Variants in CNTNAP2 observed in about 807,000 individuals in gnomAD.
CNTNAP2 encodes the protein contactin associated protein 2, also known as contactin-associated protein-like 2.
CNTNAP2 carries 98 observed loss-of-function variants against 155.2 expected under a neutral mutation model. That is an observed-to-expected ratio of 0.63 (90% CI 0.54 to 0.75). CNTNAP2 has a LOEUF of 0.75. CNTNAP2 is among the 30% of genes least tolerant of loss of function. CNTNAP2 has a pLI of 0.00. For synonymous variants in CNTNAP2, 651 were observed against 631.2 expected (o/e 1.03, Z -0.47); for missense variants, 1,727 against 1,688.1 (o/e 1.02, Z -0.40).
At chr7:147,353,143 G>GTATATA (rs1298122144) in intron 9 of CNTNAP2, among the ~76,000 whole-genome samples, 1 of 151,064 alleles carries the variant, frequency 6.6e-6, no homozygotes, top group African/African-American at 2.4e-5. Flanking sequence ...ATACGTATAT[G>GTATATA]TACATATATA....
chr7:146,255,118 G>A (rs968074642), intron 1 of CNTNAP2, among the ~76,000 whole-genome samples: 2 of 152,130 alleles, frequency 1.3e-5, no homozygotes, highest in Non-Finnish European at 2.9e-5. Context: ...GAATAATCAT[G>A]TGAATACTAA....
At position 147,977,812 on chromosome 7, in the gene CNTNAP2, A is replaced by G; in HGVS notation, c.2256-50A>G. 6.2e-6 allele frequency: 10 copies of G among 1,612,414 alleles called. No homozygotes were observed. In the East Asian group the frequency reaches 6.7e-5, roughly 11 times the overall value. On this transcript the variant is annotated intron_variant, in intron 14 of 23. Transcript: ENST00000361727. ...CGTAAGCAACTAGCAGAAAATTCAT[A>G]TGTCTAATGCAGCCTCCTCATTCTT...
In CNTNAP2 at chr7:147,923,905, A is replaced by T. The variant is rs547577319; in HGVS notation, c.2255+20184A>T. Among the ~76,000 whole-genome samples, 4 of 152,290 alleles carry T rather than the reference A, an allele frequency of 2.6e-5. 1 individual carries two copies. The highest frequency in any genetic ancestry group is 4.1e-4 in the South Asian group (2 of 4,830). Reference sequence around the variant, plus strand: ...ACTTCTAGCCTCCAGAACTGTGAGAAAATAAATCTCTGTTGTTGGAAGCCA... The same window carrying T: ...ACTTCTAGCCTCCAGAACTGTGAGATAATAAATCTCTGTTGTTGGAAGCCA... On this transcript the variant is annotated intron_variant, in intron 14 of 23. Coordinates refer to ENST00000361727, the MANE Select transcript of CNTNAP2 (RefSeq NM_014141.6).
intron 1 of CNTNAP2, among the ~76,000 whole-genome samples, chr7:146,210,276 G>T (rs1464771094): frequency 6.6e-6 from 1 of 152,110 alleles, no homozygotes; most frequent in Non-Finnish European, 1.5e-5. Flanking sequence ...GAAGATGATT[G>T]TCTTCCTATT....
At chr7:146,335,896 C>G (rs546891496) in intron 1 of CNTNAP2, among the ~76,000 whole-genome samples, 76 of 152,136 alleles carry the variant, frequency 5.0e-4, no homozygotes, top group Non-Finnish European at 8.7e-4. Flanking sequence ...AAATATAAAA[C>G]ATGATATAAA....
At chr7:146,280,415 A>G (rs995907145) in intron 1 of CNTNAP2, among the ~76,000 whole-genome samples, 5 of 151,858 alleles carry the variant, frequency 3.3e-5, no homozygotes, top group South Asian at 4.1e-4. Context: ...TTCACGTCTC[A>G]AGGAATTAAT....
intron 14 of CNTNAP2, among the ~76,000 whole-genome samples, chr7:147,928,753 T>C (rs1012145369): frequency 4.6e-5 from 7 of 152,154 alleles, no homozygotes; most frequent in Admixed American, 1.3e-4. Flanking sequence ...AAACCACATC[T>C]TATAATGTGT....
chr7:146,677,312 T>C (rs903960346), intron 1 of CNTNAP2, among the ~76,000 whole-genome samples: 2 of 152,144 alleles, frequency 1.3e-5, no homozygotes, highest in African/African-American at 4.8e-5. Flanking sequence ...AGGAATATCT[T>C]GTTTGTGATA....
intron 21 of CNTNAP2, among the ~76,000 whole-genome samples, chr7:148,326,729 G>A (rs547009973): frequency 6.6e-6 from 1 of 152,202 alleles, no homozygotes; most frequent in South Asian, 2.1e-4. Flanking sequence ...GCCGGGCATG[G>A]TGGTGGGCAC....
chr7:146,209,185 A>G (rs911091948), intron 1 of CNTNAP2, among the ~76,000 whole-genome samples: 1 of 152,064 alleles, frequency 6.6e-6, no homozygotes, highest in Non-Finnish European at 1.5e-5. Flanking sequence ...CCAAGTAGAA[A>G]AGACTTCAGC....
At chr7:147,527,049 G>GTTTTTTTTTTT (rs1799337531) in intron 11 of CNTNAP2, among the ~76,000 whole-genome samples, 1 of 83,588 alleles carries the variant, frequency 1.2e-5, no homozygotes, top group African/African-American at 6.8e-5. Flanking sequence ...TTTTGATGGA[G>GTTTTTTTTTTT]TCTTTCTCTG....
chr7:146,498,550 T>C (rs1165633610), intron 1 of CNTNAP2, among the ~76,000 whole-genome samples: 2 of 152,310 alleles, frequency 1.3e-5, no homozygotes, highest in Non-Finnish European at 2.9e-5. Context: ...AATTGGACTT[T>C]AGAAATTTTC....
At position 147,256,649 on chromosome 7, in the gene CNTNAP2, G is replaced by C. The variant is rs1020852389; in HGVS notation, c.1349-43492G>C. ...ATACTTCATAAAATTACAGAAGCAG[G>C]GAACAGGATGACAAATGTGATCTAC... On this transcript the variant is annotated intron_variant, in intron 8 of 23. Transcript: ENST00000361727. Among the ~76,000 whole-genome samples the C allele has an allele frequency of 4.6e-5, 7 of 152,032 alleles. No homozygotes were observed. In the South Asian group the frequency reaches 8.3e-4, roughly 18 times the overall value.
chr7:147,006,620 T>A (rs1798530055), intron 3 of CNTNAP2, among the ~76,000 whole-genome samples: 1 of 152,088 alleles, frequency 6.6e-6, no homozygotes. Context: ...ACAAGAAAAA[T>A]TAAATTTATT....
At chr7:146,325,670 C>A (rs1422850066) in intron 1 of CNTNAP2, among the ~76,000 whole-genome samples, 1 of 151,920 alleles carries the variant, frequency 6.6e-6, no homozygotes, top group Non-Finnish European at 1.5e-5. Flanking sequence ...TGAACATAGG[C>A]AGGACTGGCA....
At chr7:147,239,521 A>T (rs1318768765) in intron 8 of CNTNAP2, among the ~76,000 whole-genome samples, 1 of 151,964 alleles carries the variant, frequency 6.6e-6, no homozygotes, top group Admixed American at 6.6e-5. Context: ...AAAAAAAAAA[A>T]AAAAAAGGAC....
intron 1 of CNTNAP2, among the ~76,000 whole-genome samples, chr7:146,367,129 T>G (rs905158248): frequency 1.3e-5 from 2 of 152,252 alleles, no homozygotes; most frequent in African/African-American, 4.8e-5. Flanking sequence ...ATTTCATCCT[T>G]TAGCCATGGT....
chr7:146,620,629 G>GGAT (rs763451030), intron 1 of CNTNAP2, among the ~76,000 whole-genome samples: 99 of 152,134 alleles, frequency 6.5e-4, no homozygotes, highest in Non-Finnish European at 1.2e-3. Context: ...CCTTAAAGTT[G>GGAT]GATCCCTTAT....
At chr7:147,255,159 C>G (rs1309997259) in intron 8 of CNTNAP2, among the ~76,000 whole-genome samples, 2 of 152,122 alleles carry the variant, frequency 1.3e-5, no homozygotes, top group Admixed American at 6.5e-5. Context: ...GTAATGTGAA[C>G]TTTACCTTTT....
Sources: allele counts gnomAD v4.1 joint callset (sites outside exome capture counted in the v4.1 genomes callset), GRCh38; gene constraint gnomAD v4.1.1; transcripts MANE v1.5; gene names NCBI Gene and HGNC (gene_info 2026-07-23, HGNC 2026-07-21).